Variants in PLAAT1 observed in about 807,000 individuals in gnomAD.
PLAAT1 encodes phospholipase A and acyltransferase 1.
A neutral mutation model predicts 16.4 loss-of-function variants in PLAAT1; 13 were observed. That is an observed-to-expected ratio of 0.79 (90% CI 0.52 to 1.26). PLAAT1 has a LOEUF of 1.26. Ranked by LOEUF, PLAAT1 falls within the 50% of genes most tolerant of loss-of-function variation. The pLI is 0.00. For missense variants in PLAAT1, 218 were observed against 207.8 expected (o/e 1.05, Z -0.30); for synonymous variants, 73 against 78.4 (o/e 0.93, Z 0.36).
chr3:193,258,779 C>T (rs537474798), intron 2 of PLAAT1, among the ~76,000 whole-genome samples: 10 of 151,830 alleles, frequency 6.6e-5, no homozygotes, highest in Non-Finnish European at 1.2e-4. Context: ...AACTACCAAC[C>T]GAAAAAAGCC....
intron 3 of PLAAT1, among the ~76,000 whole-genome samples, chr3:193,268,120 TCA>T (rs1200905334): frequency 2.6e-5 from 4 of 152,224 alleles, no homozygotes; most frequent in African/African-American, 4.8e-5. Flanking sequence ...TTGTTTTCTC[TCA>T]GTTTGTGTCT....
intron 1 of PLAAT1, among the ~76,000 whole-genome samples, chr3:193,247,558 A>G (rs1404636210): frequency 6.6e-6 from 1 of 152,140 alleles, no homozygotes; most frequent in Non-Finnish European, 1.5e-5. Context: ...TGCGTGCCTA[A>G]TTATTCCTGG....
At chr3:193,242,135 TC>T (rs1456403320) in intron 1 of PLAAT1, among the ~76,000 whole-genome samples, 2 of 151,752 alleles carry the variant, frequency 1.3e-5, no homozygotes, top group Non-Finnish European at 2.9e-5. Flanking sequence ...TTTTTTTTTT[TC>T]TCATCAGCTA....
At chr3:193,260,317 C>T (rs1716538694) in intron 2 of PLAAT1, among the ~76,000 whole-genome samples, 1 of 152,104 alleles carries the variant, frequency 6.6e-6, no homozygotes, top group African/African-American at 2.4e-5. Context: ...ATGTCTAAGT[C>T]TCCAAAATGA....
downstream of PLAAT1, chr3:193,275,220 C>G: frequency 1.9e-6 from 3 of 1,614,170 alleles, no homozygotes; most frequent in Non-Finnish European, 2.5e-6. Flanking sequence ...CTTCTTTTGC[C>G]AAGTCCTATA....
chr3:193,254,008 A>T (rs1430344370), intron 1 of PLAAT1, among the ~76,000 whole-genome samples: 1 of 152,156 alleles, frequency 6.6e-6, no homozygotes, highest in African/African-American at 2.4e-5. Flanking sequence ...ATTCCTATTC[A>T]TGGGAAATGT....
At position 193,241,791 on chromosome 3, in the gene PLAAT1, G is replaced by A. The variant is rs150525555; in HGVS notation, c.-1+258G>A. Among the ~76,000 whole-genome samples, 770 of 152,244 alleles carry A rather than the reference G, an allele frequency of 5.1e-3. 8 individuals are homozygous for A. The highest frequency in any genetic ancestry group is 0.024 in the Middle Eastern group (7 of 294). ...TTAAGCCTACTGTCCTCACTGAAGT[G>A]AATATGAATAATAATACAAGTAATT... On this transcript the variant is annotated intron_variant, in intron 1 of 3. Transcript: ENST00000264735.
At chr3:193,265,838 T>C (rs1716759945) in intron 3 of PLAAT1, among the ~76,000 whole-genome samples, 1 of 152,206 alleles carries the variant, frequency 6.6e-6, no homozygotes, top group Non-Finnish European at 1.5e-5. Flanking sequence ...AAATTCCTGC[T>C]CACTTTTGCG....
At chr3:193,264,279 G>A (rs535049688) in intron 3 of PLAAT1, among the ~76,000 whole-genome samples, 22 of 152,190 alleles carry the variant, frequency 1.4e-4, no homozygotes, top group Admixed American at 1.3e-3. Context: ...GCAAAGCCTC[G>A]TGTTATTTAA....
chr3:193,243,708 G>A (rs1179795231), intron 1 of PLAAT1, among the ~76,000 whole-genome samples: 1 of 152,190 alleles, frequency 6.6e-6, no homozygotes, highest in Non-Finnish European at 1.5e-5. Flanking sequence ...CTTACTACCT[G>A]TGCGACTTTA....
chr3:193,240,923 A>AT (rs1490582892), upstream of PLAAT1, among the ~76,000 whole-genome samples: 1 of 152,032 alleles, frequency 6.6e-6, no homozygotes, highest in East Asian at 1.9e-4. Context: ...AACAAAACCG[A>AT]TTATCTTTAT....
intron 3 of PLAAT1, 111 bp from the exon 4 acceptor site, chr3:193,270,493 A>G (rs985109764): frequency 1.2e-6 from 1 of 812,090 alleles, no homozygotes; most frequent in Non-Finnish European, 1.9e-6. Context: ...AGATGTATCC[A>G]TTGTACATTA....
chr3:193,255,239 AT>A (rs1716329199), intron 1 of PLAAT1, among the ~76,000 whole-genome samples: 1 of 152,182 alleles, frequency 6.6e-6, no homozygotes, highest in Non-Finnish European at 1.5e-5. Context: ...GTAAACAGAT[AT>A]TATATGTTTA....
downstream of PLAAT1, among the ~76,000 whole-genome samples, chr3:193,279,976 T>TTAAA (rs754211913): frequency 6.7e-5 from 4 of 59,890 alleles, no homozygotes; most frequent in Admixed American, 9.1e-4. Flanking sequence ...GTGTCTTTGT[T>TTAAA]AAAAAAAAAA....
At chr3:193,275,319 G>T, downstream of PLAAT1, 1 of 1,610,192 alleles carries the variant, frequency 6.2e-7, no homozygotes. Context: ...AATCAGATGG[G>T]AAAACAATCA....
intron 3 of PLAAT1, among the ~76,000 whole-genome samples, chr3:193,270,344 GTTTATAA>G (rs1402320242): frequency 6.6e-6 from 1 of 152,130 alleles, no homozygotes; most frequent in Non-Finnish European, 1.5e-5. Flanking sequence ...TTCATAATTA[GTTTATAA>G]ACTGTCAGAG....
chr3:193,241,165 AG>A (rs1178205914), upstream of PLAAT1: 2 of 1,187,000 alleles, frequency 1.7e-6, no homozygotes, highest in Admixed American at 4.3e-5. Flanking sequence ...GGGCCAAGCG[AG>A]GTCTAGCCGG....
At chr3:193,254,121 G>C (rs1410312270) in intron 1 of PLAAT1, among the ~76,000 whole-genome samples, 1 of 152,090 alleles carries the variant, frequency 6.6e-6, no homozygotes, top group Non-Finnish European at 1.5e-5. Context: ...TTGAGAGGGT[G>C]GTTAGACTTA....
intron 1 of PLAAT1, among the ~76,000 whole-genome samples, chr3:193,247,216 C>T (rs1245087458): frequency 6.6e-6 from 1 of 152,162 alleles, no homozygotes; most frequent in African/African-American, 2.4e-5. Flanking sequence ...TTGCTTTAGG[C>T]AGACAGTAAG....
Sources: gnomAD v4.1 joint callset for allele counts (sites outside exome capture counted in the v4.1 genomes callset) on GRCh38, gnomAD v4.1.1 for gene constraint, MANE v1.5 for transcripts, NCBI Gene and HGNC (gene_info 2026-07-23, HGNC 2026-07-21) for gene names.